ERI3: variants seen among roughly 807,000 people sequenced by gnomAD.
The protein encoded by ERI3 is ERI1 exoribonuclease 3.
In ERI3, 18 loss-of-function variants were observed where a neutral mutation model predicts 44.4. The ratio of observed to expected loss-of-function variants is 0.41; its 90% CI spans 0.28 to 0.60. The LOEUF is 0.60. Among genes scored for constraint, ERI3 ranks in the 20% least tolerant of loss-of-function variants. The pLI is 0.36. For missense variants in ERI3, 294 were observed against 435.5 expected (o/e 0.68, Z 2.89); for synonymous variants, 183 against 164.8 (o/e 1.11, Z -0.84).
intron 3 of ERI3, among the ~76,000 whole-genome samples, chr1:44,320,317 C>T (rs1646173080): frequency 6.6e-6 from 1 of 152,342 alleles, no homozygotes; most frequent in South Asian, 2.1e-4. Context: ...ACCTTTCAGG[C>T]AGCACACACT....
intron 3 of ERI3, among the ~76,000 whole-genome samples, chr1:44,335,336 C>CAAGAGCAACTTGTAGCCT (rs1646511502): frequency 1.3e-5 from 2 of 149,250 alleles, no homozygotes; most frequent in Non-Finnish European, 3.0e-5. Context: ...GCCTGGGCAA[C>CAAGAGCAACTTGTAGCCT]GGAGCAAGAC....
chr1:44,312,268 A>G (rs557464884), intron 5 of ERI3, among the ~76,000 whole-genome samples: 1 of 152,120 alleles, frequency 6.6e-6, no homozygotes, highest in African/African-American at 2.4e-5. Context: ...GCTTTCTCCT[A>G]TGCTTGATAA....
intron 2 of ERI3, among the ~76,000 whole-genome samples, chr1:44,348,645 G>A (rs1646831920): frequency 6.6e-6 from 1 of 152,172 alleles, no homozygotes; most frequent in Non-Finnish European, 1.5e-5. Flanking sequence ...TCTGGTTCTA[G>A]CAATCATTAA....
chr1:44,289,713 G>A (rs530316607), intron 6 of ERI3, among the ~76,000 whole-genome samples: 1 of 152,360 alleles, frequency 6.6e-6, no homozygotes, highest in Admixed American at 6.5e-5. Flanking sequence ...ATGGCAAACA[G>A]GTGTGGCTAG....
chr1:44,257,975 G>A (rs1357880235), intron 7 of ERI3, among the ~76,000 whole-genome samples: 1 of 152,192 alleles, frequency 6.6e-6, no homozygotes, highest in Non-Finnish European at 1.5e-5. Context: ...GATGGAGAGA[G>A]GAGGGGCTAG....
At position 44,228,804 on chromosome 1, in the gene ERI3, G is replaced by A. The variant is rs192075090; in HGVS notation, c.932-7164C>T. 6.0e-3 allele frequency among the ~76,000 whole-genome samples: 908 copies of A among 152,342 alleles called. 44 individuals are homozygous for A. Among genetic ancestry groups the A allele is most frequent in the Admixed American group, 0.054 (832 of 15,294 alleles). On this transcript the variant is annotated intron_variant, in intron 8 of 8. Transcript: ENST00000372257. The surrounding 1 kb of genome is among the most constrained non-coding windows in gnomAD (Gnocchi z 4.3). ...TCAAACCCCTTATGTCGCTTGCAGT[G>A]CATTTGGCCACCAGGAACTCAACTC...
intron 7 of ERI3, among the ~76,000 whole-genome samples, chr1:44,259,912 TAGATAGATAGAC>T (rs1397326764): frequency 9.1e-5 from 13 of 142,252 alleles, no homozygotes; most frequent in African/African-American, 2.3e-4. Context: ...GATAGATAGA[TAGATAGATAGAC>T]AGACAGACAG....
intron 6 of ERI3, among the ~76,000 whole-genome samples, chr1:44,291,355 C>T (rs76085880): frequency 0.044 from 6,716 of 152,296 alleles, 162 homozygotes; most frequent in African/African-American, 0.058. Flanking sequence ...CATGGCAGGC[C>T]TAGCACTCAG....
At chr1:44,274,293 C>T (rs1189642302) in intron 7 of ERI3, among the ~76,000 whole-genome samples, 3 of 152,198 alleles carry the variant, frequency 2.0e-5, no homozygotes, top group African/African-American at 7.2e-5. Flanking sequence ...TCAGGAGCGG[C>T]GCGCTTTATG....
At chr1:44,267,629 C>G (rs1645014694) in intron 7 of ERI3, among the ~76,000 whole-genome samples, 1 of 152,230 alleles carries the variant, frequency 6.6e-6, no homozygotes, top group Admixed American at 6.5e-5. Context: ...GCAAACACAC[C>G]ACTGGGGAGG....
intron 7 of ERI3, among the ~76,000 whole-genome samples, chr1:44,264,093 G>T (rs1025216715): frequency 1.3e-4 from 20 of 152,240 alleles, no homozygotes; most frequent in Non-Finnish European, 4.4e-5. Flanking sequence ...GAAAGGAGAA[G>T]TTGGGTCCTA....
intron 3 of ERI3, among the ~76,000 whole-genome samples, chr1:44,323,548 T>C (rs1241227982): frequency 6.6e-6 from 1 of 152,188 alleles, no homozygotes; most frequent in Non-Finnish European, 1.5e-5. Flanking sequence ...ATGAATACAA[T>C]GAAAGGTGGC....
intron 8 of ERI3, among the ~76,000 whole-genome samples, chr1:44,222,570 T>C (rs191137542): frequency 7.4e-4 from 112 of 152,312 alleles, no homozygotes; most frequent in African/African-American, 2.4e-3. Flanking sequence ...GTCATGGACA[T>C]GGGCCAGGAT....
Position 44,311,126 on chromosome 1 carries a change from C to T in ERI3, c.666+2043G>A, listed in dbSNP as rs867399096. Among the ~76,000 whole-genome samples the T allele has an allele frequency of 6.9e-4, 105 of 151,660 alleles. No individual in the cohort carries two copies. In the Middle Eastern group the frequency reaches 0.017, roughly 25 times the overall value. The stretch of plus-strand genomic sequence containing the variant: ...TCCCCCAAGCTCACTGTTTTATATC[C>T]CCAAGTTAAGTGCCCCACATACTAG... On this transcript the variant is annotated intron_variant, in intron 5 of 8. Coordinates refer to ENST00000372257, the MANE Select transcript of ERI3 (RefSeq NM_024066.3).
intron 3 of ERI3, among the ~76,000 whole-genome samples, chr1:44,325,482 T>C (rs939129679): frequency 2.0e-5 from 3 of 152,112 alleles, no homozygotes; most frequent in South Asian, 4.1e-4. Flanking sequence ...CCACGATCAG[T>C]AGATTACAAG....
At chr1:44,324,748 T>C (rs1222886692) in intron 3 of ERI3, among the ~76,000 whole-genome samples, 3 of 152,080 alleles carry the variant, frequency 2.0e-5, no homozygotes, top group East Asian at 3.9e-4. Context: ...TCCCAAAGTG[T>C]TGGGATTACA....
In ERI3 at chr1:44,221,437, G is replaced by A. The variant is rs1188089212; in HGVS notation, c.*121C>T. ...GCCAAGGGCATGAGCCCACAGGGCA[G>A]CTGGGGACACTCTGGACACAGAGCT... is the stretch of plus-strand genomic sequence containing the variant. On this transcript the variant is annotated 3_prime_UTR_variant, in exon 9 of 9. Coordinates refer to ENST00000372257, the MANE Select transcript of ERI3 (RefSeq NM_024066.3). This position sits in a 1 kb window ranked among gnomAD's most constrained non-coding sequence, Gnocchi z 5.9. 3 of 833,864 alleles carry A rather than the reference G, an allele frequency of 3.6e-6. No individual in the cohort carries two copies. The highest frequency in any genetic ancestry group is 5.8e-6 in the Non-Finnish European group (3 of 518,420). 51.7% of individuals were successfully genotyped at this position (833,864 alleles called of 1,614,324 possible).
intron 6 of ERI3, among the ~76,000 whole-genome samples, chr1:44,286,961 C>T (rs549548055): frequency 1.3e-5 from 2 of 152,326 alleles, no homozygotes; most frequent in South Asian, 2.1e-4. Context: ...GGCAGGGCCC[C>T]AGACCTTTCT....
At chr1:44,292,307 C>T (rs1478736511) in intron 6 of ERI3, among the ~76,000 whole-genome samples, 1 of 152,160 alleles carries the variant, frequency 6.6e-6, no homozygotes, top group Non-Finnish European at 1.5e-5. Context: ...CACCTTGGGA[C>T]TCATTCTCCA....
Sources: gnomAD v4.1 joint callset for allele counts (sites outside exome capture counted in the v4.1 genomes callset) on GRCh38, gnomAD v4.1.1 for gene constraint, Gnocchi (gnomAD v3.1) non-coding constraint, MANE v1.5 for transcripts, NCBI Gene and HGNC (gene_info 2026-07-23, HGNC 2026-07-21) for gene names.